Variants in LRP1B observed in about 807,000 individuals in gnomAD.
The protein encoded by LRP1B is low-density lipoprotein receptor-related protein 1B.
LRP1B carries 217 observed loss-of-function variants against 556.6 expected under a neutral mutation model. That is an observed-to-expected ratio of 0.39 (90% CI 0.35 to 0.44). The LOEUF (loss-of-function observed/expected upper bound fraction) is 0.44, where lower values mean the gene tolerates loss of function less well. Among genes scored for constraint, LRP1B ranks in the 20% least tolerant of loss-of-function variants. The probability of loss-of-function intolerance (pLI) is 1.00; values close to 1 mark genes in which losing one functional copy is unlikely to be tolerated. For missense variants in LRP1B, 5,053 were observed against 5,620.8 expected (o/e 0.90, Z 3.23); for synonymous variants, 2,047 against 1,865.8 (o/e 1.10, Z -2.50).
intron 4 of LRP1B, 93 bp from the exon 5 acceptor site, chr2:141,247,447 T>C (rs1684108900): frequency 4.1e-6 from 6 of 1,479,642 alleles, no homozygotes; most frequent in South Asian, 2.4e-5. Context: ...ACTTCGGAAA[T>C]AGACTATTAA....
At chr2:141,111,117 C>T (rs769383866) in intron 7 of LRP1B, among the ~76,000 whole-genome samples, 2 of 151,618 alleles carry the variant, frequency 1.3e-5, no homozygotes, top group Non-Finnish European at 2.9e-5. Flanking sequence ...AAAACACCTC[C>T]GTATTTAAGA....
intron 2 of LRP1B, among the ~76,000 whole-genome samples, chr2:141,513,619 A>C (rs1407478362): frequency 6.6e-6 from 1 of 152,150 alleles, no homozygotes. Context: ...CTAGTTATGC[A>C]AGTAGGTAAT....
chr2:141,750,854 G>A (rs190683297), intron 2 of LRP1B, among the ~76,000 whole-genome samples: 16 of 152,032 alleles, frequency 1.1e-4, no homozygotes, highest in African/African-American at 3.6e-4. Flanking sequence ...CAGAATTCAT[G>A]GATCAAAATA....
chr2:141,512,202 C>T (rs571192993), intron 2 of LRP1B, among the ~76,000 whole-genome samples: 26 of 152,182 alleles, frequency 1.7e-4, no homozygotes, highest in Admixed American at 9.2e-4. Context: ...TTTATTAAGC[C>T]TTCGCCATGT....
At chr2:141,860,590 T>C (rs1335714444) in intron 1 of LRP1B, among the ~76,000 whole-genome samples, 1 of 152,124 alleles carries the variant, frequency 6.6e-6, no homozygotes. Context: ...CTGTGTACAA[T>C]CTATATAATA....
intron 11 of LRP1B, among the ~76,000 whole-genome samples, chr2:141,043,438 T>C (rs1013398420): frequency 6.6e-6 from 1 of 151,792 alleles, no homozygotes; most frequent in African/African-American, 2.4e-5. Flanking sequence ...ACATTATCCC[T>C]ATATGTCTAT....
chr2:141,144,322 C>A (rs1275638287), intron 7 of LRP1B, among the ~76,000 whole-genome samples: 2 of 152,120 alleles, frequency 1.3e-5, no homozygotes, highest in Non-Finnish European at 2.9e-5. Context: ...AATAAGTTGT[C>A]ACCAGAATTT....
chr2:141,931,513 C>G (rs1326110089), intron 1 of LRP1B, among the ~76,000 whole-genome samples: 1 of 151,876 alleles, frequency 6.6e-6, no homozygotes, highest in African/African-American at 2.4e-5. Context: ...ATCATCAATT[C>G]CATGTGGTGC....
chr2:140,870,652 A>G (rs1452921718), intron 25 of LRP1B, among the ~76,000 whole-genome samples: 32 of 152,144 alleles, frequency 2.1e-4, no homozygotes, highest in Non-Finnish European at 1.0e-4. Context: ...CAGGTCTGAC[A>G]ATATTTTGTT....
At chr2:140,699,547 A>C (rs1331436807) in intron 41 of LRP1B, among the ~76,000 whole-genome samples, 3 of 151,724 alleles carry the variant, frequency 2.0e-5, no homozygotes, top group Non-Finnish European at 2.9e-5. Context: ...ACATAGTGAA[A>C]CTGGAAGAAT....
chr2:140,364,972 T>C (rs1173111921), intron 71 of LRP1B, among the ~76,000 whole-genome samples, 189 bp from the exon 72 acceptor site: 1 of 151,524 alleles, frequency 6.6e-6, no homozygotes, highest in Non-Finnish European at 1.5e-5. Flanking sequence ...TATTCATTGT[T>C]GACATTTCAA....
intron 3 of LRP1B, among the ~76,000 whole-genome samples, chr2:141,345,459 A>G (rs1348185129): frequency 6.6e-6 from 1 of 151,906 alleles, no homozygotes; most frequent in African/African-American, 2.4e-5. Context: ...CTGAGACAAC[A>G]ACCTTTTCTT....
chr2:141,115,634 T>TGTGC (rs1553462002), intron 7 of LRP1B, among the ~76,000 whole-genome samples: 34,454 of 105,606 alleles, frequency 0.33, 4,309 homozygotes, highest in East Asian at 0.61. Flanking sequence ...TTTGTGTGTG[T>TGTGC]GTGTGTGTGT....
chr2:140,914,846 A>G (rs1426050869), intron 21 of LRP1B, among the ~76,000 whole-genome samples: 2 of 152,192 alleles, frequency 1.3e-5, no homozygotes, highest in Non-Finnish European at 2.9e-5. Context: ...CAGAGAAAGA[A>G]GCCGAGGTGC....
At chr2:140,364,942 C>T (rs951796986) in intron 71 of LRP1B, among the ~76,000 whole-genome samples, 159 bp from the exon 72 acceptor site, 1 of 151,092 alleles carries the variant, frequency 6.6e-6, no homozygotes, top group African/African-American at 2.4e-5. Flanking sequence ...AAGTAATATT[C>T]AATTTTTTTT....
intron 3 of LRP1B, among the ~76,000 whole-genome samples, chr2:141,457,635 T>C (rs1195450558): frequency 1.2e-5 from 1 of 84,790 alleles, no homozygotes; most frequent in Non-Finnish European, 2.5e-5. Context: ...ATTTGGTTCA[T>C]GAATTTGACA....
At chr2:140,290,276 C>T (rs949314412) in intron 84 of LRP1B, among the ~76,000 whole-genome samples, 1 of 151,876 alleles carries the variant, frequency 6.6e-6, no homozygotes, top group Non-Finnish European at 1.5e-5. Context: ...TAATGTGTCA[C>T]GTAAAAGAGG....
At chr2:141,318,792 T>A (rs1382099501) in intron 3 of LRP1B, among the ~76,000 whole-genome samples, 3 of 152,122 alleles carry the variant, frequency 2.0e-5, no homozygotes, top group African/African-American at 7.2e-5. Flanking sequence ...GGTAACTTAT[T>A]TTGCAAATAT....
At chr2:140,966,829 G>A (rs997854024) in intron 18 of LRP1B, among the ~76,000 whole-genome samples, 10 of 152,054 alleles carry the variant, frequency 6.6e-5, no homozygotes, top group Non-Finnish European at 1.2e-4. Context: ...TTTTTGTCAG[G>A]TCTGTCAAAG....
Sources: gnomAD v4.1 joint callset for allele counts (sites outside exome capture counted in the v4.1 genomes callset) on GRCh38, gnomAD v4.1.1 for gene constraint, MANE v1.5 for transcripts, NCBI Gene and HGNC (gene_info 2026-07-23, HGNC 2026-07-21) for gene names.